Variants in ELP3 observed in about 807,000 individuals in gnomAD.
ELP3 encodes elongator acetyltransferase complex subunit 3.
In ELP3, 56 loss-of-function variants were observed where a neutral mutation model predicts 74.9. The observed-to-expected ratio is 0.75, with a 90% CI of 0.60 to 0.93. The LOEUF (loss-of-function observed/expected upper bound fraction) is 0.93. Among genes scored for constraint, ELP3 ranks in the 40% least tolerant of loss-of-function variants. The pLI, the probability that ELP3 is intolerant of heterozygous loss-of-function variation, is 0.00. For missense variants in ELP3, 573 were observed against 686.5 expected (o/e 0.83, Z 1.85); for synonymous variants, 222 against 239.8 (o/e 0.93, Z 0.68).
intron 3 of ELP3, 120 bp downstream of exon 3, chr8:28,100,086 C>G: frequency 7.8e-7 from 1 of 1,280,254 alleles, no homozygotes; most frequent in Non-Finnish European, 1.1e-6. Flanking sequence ...AATGAAGTCC[C>G]TGTATTAGGA....
At chr8:28,093,493 C>T in intron 1 of ELP3, 1 of 568,166 alleles carries the variant, frequency 1.8e-6, no homozygotes, top group Non-Finnish European at 3.1e-6. Flanking sequence ...ACCATTATTC[C>T]AATATATGCC....
chr8:28,116,926 G>A (rs189635725), intron 7 of ELP3, among the ~76,000 whole-genome samples: 134 of 152,272 alleles, frequency 8.8e-4, no homozygotes, highest in South Asian at 8.5e-3. Context: ...TTCAAAGCCA[G>A]GCGACGGGGA....
At chr8:28,112,993 C>G in intron 6 of ELP3, 26 bp from the exon 7 acceptor site, 1 of 1,607,970 alleles carries the variant, frequency 6.2e-7, no homozygotes, top group African/African-American at 1.3e-5. Flanking sequence ...TTATATCATT[C>G]TAATGCTGAT....
intron 7 of ELP3, among the ~76,000 whole-genome samples, chr8:28,126,309 C>T (rs1812575174): frequency 6.6e-6 from 1 of 152,136 alleles, no homozygotes; most frequent in Non-Finnish European, 1.5e-5. Context: ...GTTATTGTCC[C>T]ATTTCTCTTC....
chr8:28,091,769 G>A (rs1028231074), upstream of ELP3, among the ~76,000 whole-genome samples: 2 of 152,148 alleles, frequency 1.3e-5, no homozygotes, highest in African/African-American at 2.4e-5. Flanking sequence ...TTCTGCCAAG[G>A]TTGAGGACAC....
At chr8:28,158,530 C>T in intron 11 of ELP3, 38 bp from the exon 12 acceptor site, 1 of 1,394,520 alleles carries the variant, frequency 7.2e-7, no homozygotes, top group Non-Finnish European at 1.0e-6. Context: ...GTACCCCTCC[C>T]ACCCCCCAAC....
chr8:28,109,219 T>TA (rs1239928732), intron 5 of ELP3, among the ~76,000 whole-genome samples: 3 of 152,268 alleles, frequency 2.0e-5, no homozygotes, highest in Admixed American at 6.5e-5. Flanking sequence ...GAGAAAGGGT[T>TA]AGAGTGGAGA....
intron 14 of ELP3, among the ~76,000 whole-genome samples, chr8:28,186,053 T>C (rs887991513): frequency 1.3e-5 from 2 of 152,176 alleles, no homozygotes; most frequent in Non-Finnish European, 2.9e-5. Context: ...CTTGAAGACA[T>C]TGTGCTAAGT....
At chr8:28,151,662 G>C (rs7015702) in intron 10 of ELP3, among the ~76,000 whole-genome samples, 3 of 152,108 alleles carry the variant, frequency 2.0e-5, no homozygotes, top group African/African-American at 7.2e-5. Context: ...ACATCACAAG[G>C]GTTTCTCAGT....
intron 10 of ELP3, among the ~76,000 whole-genome samples, chr8:28,154,977 G>A (rs987920616): frequency 3.9e-5 from 6 of 152,118 alleles, no homozygotes; most frequent in South Asian, 2.1e-4. Context: ...AAAGCTAATC[G>A]ATTGGCTTTT....
intron 7 of ELP3, among the ~76,000 whole-genome samples, chr8:28,123,500 T>A (rs1350515588): frequency 6.6e-6 from 1 of 152,230 alleles, no homozygotes; most frequent in Admixed American, 6.5e-5. Context: ...TCTCAGTTGC[T>A]GGGTGTCATG....
rs569181801 is a variant in ELP3, at chr8:28,159,501, G to A, written c.1258-728G>A. 4.9e-4 allele frequency among the ~76,000 whole-genome samples: 75 copies of A among 152,204 alleles called. 1 individual carries two copies. Among genetic ancestry groups the A allele is most frequent in the South Asian group, 8.3e-4 (4 of 4,822 alleles). ...CTCCCCATCTACCGAGTGTTTCTGC[G>A]TGTGGCCATGTCCATATGTATACTT... On this transcript the variant is annotated intron_variant, in intron 12 of 14. Coordinates refer to ENST00000256398, the MANE Select transcript of ELP3 (RefSeq NM_018091.6).
At chr8:28,156,840 T>G (rs950127184) in intron 11 of ELP3, among the ~76,000 whole-genome samples, 12 of 152,166 alleles carry the variant, frequency 7.9e-5, no homozygotes, top group African/African-American at 2.7e-4. Context: ...GACATTTTAT[T>G]CTCTCACTCA....
intron 14 of ELP3, among the ~76,000 whole-genome samples, chr8:28,189,069 C>G (rs1016881957): frequency 7.2e-5 from 11 of 152,248 alleles, no homozygotes; most frequent in Admixed American, 5.2e-4. Context: ...GCCATCCCAG[C>G]AAAGCTGCTT....
intron 6 of ELP3, 42 bp from the exon 7 acceptor site, chr8:28,112,977 T>C: frequency 6.3e-7 from 1 of 1,582,162 alleles, no homozygotes; most frequent in African/African-American, 1.4e-5. Flanking sequence ...GAGTAGTTCC[T>C]TATGCTTATA....
chr8:28,095,419 T>TC (rs1811214155), intron 1 of ELP3, among the ~76,000 whole-genome samples: 1 of 152,220 alleles, frequency 6.6e-6, no homozygotes, highest in Admixed American at 6.5e-5. Flanking sequence ...CTCCTTTTTT[T>TC]CCTCCATGCC....
In ELP3 at chr8:28,110,178, G is replaced by A. The variant is rs79830389; in HGVS notation, c.394-192G>A. On this transcript the variant is annotated intron_variant, in intron 5 of 14. Transcript: ENST00000256398. ...CTGCTGTTGAGGTGTTTATGACAGC[G>A]TGAGTGGACACCTGCCAGATGCGAT... 1.8e-3 allele frequency among the ~76,000 whole-genome samples: 280 copies of A among 152,294 alleles called. 1 individual carries two copies. The East Asian group carries it at 0.019, about 11-fold the overall frequency.
chr8:28,110,634 C>T, intron 6 of ELP3, 196 bp downstream of exon 6: 1 of 527,058 alleles, frequency 1.9e-6, no homozygotes, highest in East Asian at 3.3e-5. Context: ...TCTTTAAAGA[C>T]TGTATTTATT....
At chr8:28,171,116 CT>C (rs1814507395) in intron 14 of ELP3, among the ~76,000 whole-genome samples, 1 of 152,124 alleles carries the variant, frequency 6.6e-6, no homozygotes, top group African/African-American at 2.4e-5. Flanking sequence ...TTGTTTCCAC[CT>C]TTTGGCTATT....
Sources: allele counts gnomAD v4.1 joint callset (sites outside exome capture counted in the v4.1 genomes callset), GRCh38; gene constraint gnomAD v4.1.1; transcripts MANE v1.5; gene names NCBI Gene and HGNC (gene_info 2026-07-23, HGNC 2026-07-21).